NDST2: variants seen among roughly 807,000 people sequenced by gnomAD.
The protein encoded by NDST2 is bifunctional heparan sulfate N-deacetylase/N-sulfotransferase 2.
NDST2 carries 32 observed loss-of-function variants against 86.9 expected under a neutral mutation model. That is an observed-to-expected ratio of 0.37 (90% CI 0.28 to 0.49). The LOEUF (loss-of-function observed/expected upper bound fraction) is 0.49, where lower values mean the gene tolerates loss of function less well. Ranked by LOEUF, NDST2 falls within the 20% of genes least tolerant of loss-of-function variation. NDST2 has a pLI of 0.97. For missense variants in NDST2, 950 were observed against 1,146.9 expected (o/e 0.83, Z 2.48); for synonymous variants, 409 against 437.0 (o/e 0.94, Z 0.80).
chr10:73,803,476 G>A (rs1011232923), intron 11 of NDST2, 98 bp downstream of exon 11: 25 of 1,553,080 alleles, frequency 1.6e-5, no homozygotes, highest in Non-Finnish European at 2.2e-5. Flanking sequence ...CACTAGTTAA[G>A]TTTCTCAAAC....
In NDST2 at chr10:73,808,486, G is replaced by A. The variant is rs2084146517; in HGVS notation, c.-98C>T. 2 of 1,190,954 alleles carry A rather than the reference G, an allele frequency of 1.7e-6. No homozygotes were observed. The highest frequency in any genetic ancestry group is 5.7e-5 in the Admixed American group (2 of 35,326). 73.8% of individuals were successfully genotyped at this position (1,190,954 alleles called of 1,614,324 possible). On this transcript the variant is annotated 5_prime_UTR_variant, in exon 3 of 15. Coordinates refer to ENST00000309979, the MANE Select transcript of NDST2 (RefSeq NM_003635.4). This position sits in a 1 kb window ranked among gnomAD's most constrained non-coding sequence, Gnocchi z 4.3. ...ACTGTCTTGGAAGGGTAGAAGGATA[G>A]GAAAATAGGGGACAGGGATTCCCTT...
At chr10:73,810,928 G>A (rs987625701) in intron 1 of NDST2, 25 bp from the exon 2 acceptor site, 9 of 398,962 alleles carry the variant, frequency 2.3e-5, no homozygotes, top group Non-Finnish European at 3.5e-5. Context: ...AAGGTTTAGG[G>A]AAGGGGCGCC....
chr10:73,804,251 G>C (rs1565096596), intron 9 of NDST2, among the ~76,000 whole-genome samples: 3 of 152,202 alleles, frequency 2.0e-5, no homozygotes, highest in African/African-American at 4.8e-5. Context: ...CACCACAGAT[G>C]ATTCTGATAT....
Position 73,806,282 on chromosome 10 carries a change from C to A in NDST2, c.1434+7G>T. The A allele has an allele frequency of 6.2e-7, 1 of 1,613,328 alleles. No homozygotes were observed. Among genetic ancestry groups the A allele is most frequent in the Non-Finnish European group, 8.5e-7 (1 of 1,179,902 alleles). On this transcript the variant is annotated splice_region_variant and intron_variant, in intron 6 of 14. Coordinates refer to ENST00000309979, the MANE Select transcript of NDST2 (RefSeq NM_003635.4). This position sits in a 1 kb window ranked among gnomAD's most constrained non-coding sequence, Gnocchi z 4.5. ...TTTGATTCAAGCCTGTATTGGGAGTCCCTCACCATAATGCCATTGTGAATG... is the reference window on the plus strand; with the variant it reads ...TTTGATTCAAGCCTGTATTGGGAGTACCTCACCATAATGCCATTGTGAATG...
rs1160388980 is a variant in NDST2 at position 73,811,532 on chromosome 10, C to G, written c.-505G>C. 6.6e-6 allele frequency: 1 copy of G among 152,190 alleles called. No individual in the cohort carries two copies. Among genetic ancestry groups the G allele is most frequent in the Admixed American group, 6.5e-5 (1 of 15,286 alleles). 9.4% of individuals were successfully genotyped at this position (152,190 alleles called of 1,614,324 possible). On this transcript the variant is annotated 5_prime_UTR_variant, in exon 1 of 15. Coordinates refer to ENST00000309979, the MANE Select transcript of NDST2 (RefSeq NM_003635.4). Reference sequence around the variant, plus strand: ...GGCTCCGCCGCGTCCCGGGGCTGCCCGGCTTCCCTGCTTTCGGGGCCACGG... The same window carrying G: ...GGCTCCGCCGCGTCCCGGGGCTGCCGGGCTTCCCTGCTTTCGGGGCCACGG...
At chr10:73,809,643 G>A (rs2084163091) in intron 2 of NDST2, among the ~76,000 whole-genome samples, 1 of 152,210 alleles carries the variant, frequency 6.6e-6, no homozygotes, top group African/African-American at 2.4e-5. Flanking sequence ...ATGACAGAGA[G>A]CAACAGGAGC....
At position 73,802,677 on chromosome 10, in the gene NDST2, A is replaced by G. The variant is rs765451263; in HGVS notation, c.2523T>C (p.Thr841=). 20 of 1,614,094 alleles carry G rather than the reference A, an allele frequency of 1.2e-5. No individual in the cohort carries two copies. In the South Asian group the frequency reaches 1.9e-4, roughly 15 times the overall value. ...SKGRRYPDMD[T]ESRLFLTDFF... ...CCCTGCCCCTGGCTTTACTTACCTC[A>G]GTGTCCATATCTGGATACCTCCGGC... Residue 841 remains threonine (T), a synonymous_variant, in exon 14 of 15, where the codon ACT becomes ACC. Coordinates refer to ENST00000309979, the MANE Select transcript of NDST2 (RefSeq NM_003635.4).
chr10:73,804,125 C>T, intron 9 of NDST2, 109 bp from the exon 10 acceptor site: 1 of 1,305,952 alleles, frequency 7.7e-7, no homozygotes, highest in East Asian at 2.3e-5. Flanking sequence ...GTAGGAAAAT[C>T]CCCTATGGCC....
Position 73,807,385 on chromosome 10 carries a change from T to A in NDST2, c.1004A>T (p.Glu335Val). The A allele has an allele frequency of 6.2e-7, 1 of 1,613,576 alleles. No homozygotes were observed. The highest frequency in any genetic ancestry group is 1.1e-5 in the South Asian group (1 of 91,072). ...AAAAATTTAAGTAACAAGACTGACC[T>A]CAACATCAGCCACCTTCATGCGGGT... ...EGTRMKVADV[E>V]ALLTTQNKLR... The change falls in exon 3 of 15, where the codon GAG becomes GTG. Residue 335 changes from glutamate to valine, a missense_variant and splice_region_variant. By Grantham distance (121) the Glu-to-Val change is moderately radical. Coordinates refer to ENST00000309979, the MANE Select transcript of NDST2 (RefSeq NM_003635.4).
rs1339483759 is a variant in NDST2, at chr10:73,810,505, C to T, written c.-342+294G>A. ...AAAAATAAAACAGTTCAGCTTTGGC[C>T]TAGGTAAAACGACACGAGAAGACAG... On this transcript the variant is annotated intron_variant, in intron 2 of 14. Coordinates refer to ENST00000309979, the MANE Select transcript of NDST2 (RefSeq NM_003635.4). Among the ~76,000 whole-genome samples, 4 of 151,882 alleles carry T rather than the reference C, an allele frequency of 2.6e-5. No homozygotes were observed. The East Asian group carries it at 7.7e-4, about 29-fold the overall frequency.
Position 73,802,767 on chromosome 10 carries a change from A to G in NDST2, c.2433T>C (p.Asp811=), listed in dbSNP as rs763152604. 1.2e-6 allele frequency: 2 copies of G among 1,614,100 alleles called. No individual in the cohort carries two copies. Among genetic ancestry groups the G allele is most frequent in the South Asian group, 2.2e-5 (2 of 91,088 alleles). The change falls in exon 14 of 15, where the codon GAT becomes GAC. Residue 811 remains aspartate, a synonymous_variant. Coordinates refer to ENST00000309979, the MANE Select transcript of NDST2 (RefSeq NM_003635.4). ...LNYTRTLRFD[D]DKGFWCQGLE... ...GTCCCTGGCACCAAAATCCCTTATC[A>G]TCATCAAACCTGCTCAACAGGAAGA...
chr10:73,807,472 C>A lies in NDST2; in HGVS notation c.917G>T (p.Cys306Phe). 6.2e-7 allele frequency: 1 copy of A among 1,614,180 alleles called. No individual in the cohort carries two copies. The highest frequency in any genetic ancestry group is 2.2e-5 in the East Asian group (1 of 44,882). Residue 306 changes from cysteine (C) to phenylalanine (F), a missense_variant, in exon 3 of 15, where the codon TGC (cysteine) becomes TTC (phenylalanine). Physicochemically the swap from Cys to Phe is radical, Grantham distance 205. This residue lies in a region of NDST2 where 586 missense variants were observed against 714.0 expected (regional missense o/e 0.82). Transcript: ENST00000309979. The stretch of plus-strand genomic sequence containing the variant: ...CAAGATGTAGCGGTCAAGGTCCAGG[C>A]AGAGGCGCTTGCCAGTGAGGTATGC... ...AVAYLTGKRL[C>F]LDLDRYILVD...
At chr10:73,809,728 T>C (rs1398826258) in intron 2 of NDST2, among the ~76,000 whole-genome samples, 3 of 152,112 alleles carry the variant, frequency 2.0e-5, no homozygotes, top group Non-Finnish European at 4.4e-5. Context: ...AGGTCTAATT[T>C]TGGGGATCTC....
chr10:73,806,049 A>T lies in NDST2; in HGVS notation c.1435-21T>A. The T allele has an allele frequency of 1.2e-6, 2 of 1,611,848 alleles. No individual in the cohort carries two copies. On this transcript the variant is annotated intron_variant, in intron 6 of 14. Coordinates refer to ENST00000309979, the MANE Select transcript of NDST2 (RefSeq NM_003635.4). The surrounding 1 kb of genome is among the most constrained non-coding windows in gnomAD (Gnocchi z 4.5). ...AGCACCTGGAGGGAAAAGAAAAAAC[A>T]GATGAGATTTGAAAGATAGAATGAG...
chr10:73,805,761 G>A lies in NDST2; in HGVS notation c.1572C>T (p.Ile524=). 6 of 1,614,220 alleles carry A rather than the reference G, an allele frequency of 3.7e-6. No individual in the cohort carries two copies. The South Asian group carries it at 6.6e-5, about 18-fold the overall frequency. Residue 524 remains isoleucine, a synonymous_variant, in exon 8 of 15, where the codon ATC becomes ATT. Coordinates refer to ENST00000309979, the MANE Select transcript of NDST2 (RefSeq NM_003635.4). ...FLTVLLNPIS[I]FMTHLSNYGN... is the part of the protein sequence containing the mutation. ...CATAATTGGACAGATGGGTCATAAAGATGCTGATCTGTAAGGGGTACCTGC... is the reference window on the plus strand; with the variant it reads ...CATAATTGGACAGATGGGTCATAAAAATGCTGATCTGTAAGGGGTACCTGC...
At chr10:73,805,086 A>G (rs1158764707) in intron 8 of NDST2, among the ~76,000 whole-genome samples, 1 of 151,782 alleles carries the variant, frequency 6.6e-6, no homozygotes, top group Non-Finnish European at 1.5e-5. Flanking sequence ...TTTTTAGTAG[A>G]GACAGGGTTT....
In NDST2 at chr10:73,802,963, C is replaced by T. The variant is rs756503303; in HGVS notation, c.2423+9G>A. The T allele has an allele frequency of 6.2e-7, 1 of 1,613,342 alleles. No individual in the cohort carries two copies. The highest frequency in any genetic ancestry group is 1.1e-5 in the South Asian group (1 of 91,064). The stretch of plus-strand genomic sequence containing the variant: ...TACAGTACTCCTCCCCTGGGTCATG[C>T]TCTCCCACCTGAGGGTCCGTGTGTA... On this transcript the variant is annotated intron_variant, in intron 13 of 14. Coordinates refer to ENST00000309979, the MANE Select transcript of NDST2 (RefSeq NM_003635.4).
At chr10:73,809,504 T>C (rs1449564142) in intron 2 of NDST2, among the ~76,000 whole-genome samples, 6 of 152,186 alleles carry the variant, frequency 3.9e-5, no homozygotes, top group African/African-American at 1.4e-4. Flanking sequence ...CTACTTCTCC[T>C]TCCTAACTTA....
chr10:73,806,082 T>G lies in NDST2; in HGVS notation c.1435-54A>C. 1 of 1,597,406 alleles carries G rather than the reference T, an allele frequency of 6.3e-7. No individual in the cohort carries two copies. The highest frequency in any genetic ancestry group is 1.7e-4 in the Middle Eastern group (1 of 5,990). On this transcript the variant is annotated intron_variant, in intron 6 of 14. Coordinates refer to ENST00000309979, the MANE Select transcript of NDST2 (RefSeq NM_003635.4). The surrounding 1 kb of genome is among the most constrained non-coding windows in gnomAD (Gnocchi z 4.5). ...TTTGAAAGATAGAATGAGAAGTAGA[T>G]GGAGGACACTGGGATTTATAGAGGA...
Sources: allele counts gnomAD v4.1 joint callset (sites outside exome capture counted in the v4.1 genomes callset), GRCh38; gene constraint gnomAD v4.1.1; regional missense constraint gnomAD v4.1.1; non-coding constraint Gnocchi (gnomAD v3.1); transcripts MANE v1.5; gene names NCBI Gene and HGNC (gene_info 2026-07-23, HGNC 2026-07-21).